Variants in LRFN5 observed in about 807,000 individuals in gnomAD.
LRFN5 encodes leucine-rich repeat and fibronectin type-III domain-containing protein 5.
Under a neutral mutation model 45.6 loss-of-function variants are expected in LRFN5, and 24 were observed. The observed-to-expected ratio is 0.53, with a 90% CI of 0.38 to 0.74. The LOEUF is 0.74. Ranked by LOEUF, LRFN5 falls within the 30% of genes least tolerant of loss-of-function variation. The pLI, the probability that LRFN5 is intolerant of heterozygous loss-of-function variation, is 0.00. For synonymous variants in LRFN5, 340 were observed against 313.8 expected, an observed-to-expected ratio of 1.08 and a Z score of -0.88; for missense variants, 776 against 861.5, an observed-to-expected ratio of 0.90 and a Z score of 1.24.
intron 1 of LRFN5, among the ~76,000 whole-genome samples, chr14:41,692,813 C>G (rs570746075): frequency 6.6e-6 from 1 of 151,986 alleles, no homozygotes; most frequent in African/African-American, 2.4e-5. Context: ...TTGTCTATTT[C>G]TAAAATGGCA....
chr14:41,832,713 G>A (rs1888528429), intron 2 of LRFN5, among the ~76,000 whole-genome samples: 1 of 152,096 alleles, frequency 6.6e-6, no homozygotes, highest in Non-Finnish European at 1.5e-5. Flanking sequence ...CTCACATACT[G>A]TAAAGCATTG....
chr14:41,822,019 A>T (rs576095288), intron 2 of LRFN5, among the ~76,000 whole-genome samples: 1 of 151,242 alleles, frequency 6.6e-6, no homozygotes, highest in Non-Finnish European at 1.5e-5. Context: ...TTGTTTTTCA[A>T]CTTTGATTGT....
At chr14:41,657,604 C>T (rs1248012791) in intron 1 of LRFN5, among the ~76,000 whole-genome samples, 4 of 151,874 alleles carry the variant, frequency 2.6e-5, no homozygotes, top group Non-Finnish European at 5.9e-5. Context: ...TTTACAGGCA[C>T]CTTATAATAT....
At chr14:41,693,166 G>GC (rs1181894528) in intron 1 of LRFN5, among the ~76,000 whole-genome samples, 5 of 152,076 alleles carry the variant, frequency 3.3e-5, no homozygotes, top group Admixed American at 3.3e-4. Flanking sequence ...ATCAAGTAGT[G>GC]CAAGTGTTTT....
chr14:41,795,441 G>T (rs1887085969), intron 2 of LRFN5, among the ~76,000 whole-genome samples: 1 of 152,014 alleles, frequency 6.6e-6, no homozygotes, highest in Non-Finnish European at 1.5e-5. Context: ...ATACCCAAAG[G>T]ATTATAAATC....
chr14:41,709,609 TC>T (rs1883204641), intron 1 of LRFN5, among the ~76,000 whole-genome samples: 1 of 152,112 alleles, frequency 6.6e-6, no homozygotes, highest in Non-Finnish European at 1.5e-5. Flanking sequence ...GTGTGGAATT[TC>T]TCTTTGTATG....
At chr14:41,693,966 T>G (rs763378165) in intron 1 of LRFN5, among the ~76,000 whole-genome samples, 19 of 152,120 alleles carry the variant, frequency 1.2e-4, no homozygotes, top group African/African-American at 4.3e-4. Flanking sequence ...TGCTGAGAGA[T>G]TCTTTCATGT....
At chr14:41,894,323 C>T (rs1261427362) in intron 4 of LRFN5, 1 of 904,276 alleles carries the variant, frequency 1.1e-6, no homozygotes. Flanking sequence ...AAATATCTTT[C>T]ATTTCTCATA....
intron 3 of LRFN5, among the ~76,000 whole-genome samples, chr14:41,889,001 A>G (rs1890678997): frequency 1.1e-5 from 1 of 89,716 alleles, no homozygotes; most frequent in Admixed American, 1.2e-4. Flanking sequence ...GTATGTATAC[A>G]CATATATATA....
At chr14:41,721,939 T>C (rs1883732406) in intron 1 of LRFN5, among the ~76,000 whole-genome samples, 1 of 152,166 alleles carries the variant, frequency 6.6e-6, no homozygotes, top group African/African-American at 2.4e-5. Context: ...GAAATTTTCT[T>C]GAATTAATCC....
chr14:41,734,316 T>TTTTATATATATATATA (rs1555358693), intron 1 of LRFN5, among the ~76,000 whole-genome samples: 1 of 38,768 alleles, frequency 2.6e-5, no homozygotes, highest in Non-Finnish European at 6.9e-5. Context: ...TGGACTGGTT[T>TTTTATATATATATATA]TATATATATA....
At chr14:41,779,212 T>C (rs901154238) in intron 2 of LRFN5, among the ~76,000 whole-genome samples, 2 of 151,834 alleles carry the variant, frequency 1.3e-5, no homozygotes, top group Non-Finnish European at 3.0e-5. Flanking sequence ...TGAAAAGATA[T>C]CAGATTTTGT....
At chr14:41,800,073 A>C (rs189660071) in intron 2 of LRFN5, among the ~76,000 whole-genome samples, 2 of 152,106 alleles carry the variant, frequency 1.3e-5, no homozygotes, top group Non-Finnish European at 2.9e-5. Flanking sequence ...GTTATATCAT[A>C]TATAATTGAC....
intron 1 of LRFN5, among the ~76,000 whole-genome samples, chr14:41,730,652 G>A (rs1186153571): frequency 6.6e-6 from 1 of 151,816 alleles, no homozygotes; most frequent in Admixed American, 6.6e-5. Flanking sequence ...ACTATATAGT[G>A]TTCAAGTCAT....
chr14:41,781,490 A>C (rs1487376661), intron 2 of LRFN5, among the ~76,000 whole-genome samples: 3 of 140,638 alleles, frequency 2.1e-5, no homozygotes, highest in Middle Eastern at 7.0e-3. Flanking sequence ...AATAAAATTA[A>C]GAAGGAAGGA....
At chr14:41,622,815 A>G (rs1005733906) in intron 1 of LRFN5, among the ~76,000 whole-genome samples, 3 of 152,156 alleles carry the variant, frequency 2.0e-5, no homozygotes, top group African/African-American at 7.2e-5. Flanking sequence ...CTATTTTGGA[A>G]TAATCTGAAA....
intron 4 of LRFN5, among the ~76,000 whole-genome samples, chr14:41,895,579 C>T (rs1195719574): frequency 6.6e-6 from 1 of 151,934 alleles, no homozygotes; most frequent in African/African-American, 2.4e-5. Context: ...GAACTGACAT[C>T]CCACCACTGC....
intron 1 of LRFN5, among the ~76,000 whole-genome samples, chr14:41,738,722 T>G (rs61992378): frequency 0.17 from 25,262 of 152,210 alleles, 2,196 homozygotes; most frequent in Admixed American, 0.19. Flanking sequence ...ATCATTACAT[T>G]ATGGAATCTC....
intron 1 of LRFN5, among the ~76,000 whole-genome samples, chr14:41,688,925 AAAAG>A (rs1437399751): frequency 8.6e-5 from 13 of 150,998 alleles, no homozygotes; most frequent in African/African-American, 2.7e-4. Flanking sequence ...AAAAAAAAAA[AAAAG>A]GAAAAAGAAA....
Sources: gnomAD v4.1 joint callset for allele counts (sites outside exome capture counted in the v4.1 genomes callset) on GRCh38, gnomAD v4.1.1 for gene constraint, MANE v1.5 for transcripts, NCBI Gene and HGNC (gene_info 2026-07-23, HGNC 2026-07-21) for gene names.